EXOC8: variants seen among roughly 807,000 people sequenced by gnomAD.
EXOC8 encodes the protein exocyst complex component 8.
EXOC8 carries 19 observed loss-of-function variants against 50.8 expected under a neutral mutation model. The ratio of observed to expected loss-of-function variants is 0.37; its 90% CI spans 0.26 to 0.55. EXOC8 has a LOEUF of 0.55. Ranked by LOEUF, EXOC8 falls within the 20% of genes least tolerant of loss-of-function variation. The pLI is 0.80. For missense variants in EXOC8, 781 were observed against 915.8 expected (o/e 0.85, Z 1.90); for synonymous variants, 384 against 367.9 (o/e 1.04, Z -0.50).
rs373050702 is a variant in EXOC8, at chr1:231,336,525, A to G, written c.1221T>C (p.Gly407=). The change falls in exon 1 of 1, where the codon GGT becomes GGC. Residue 407 remains glycine (G), a synonymous_variant. Transcript: ENST00000366645. The surrounding 1 kb of genome is among the most constrained non-coding windows in gnomAD (Gnocchi z 5.4). ...ELSPDRSLRG[G]PKATRRAVSQ... ...AAACTGCTCTGCGAGTAGCCTTCGG[A>G]CCACCTCTCAGGGAACGATCTGGGG... 9.5e-5 allele frequency: 154 copies of G among 1,613,890 alleles called. No homozygotes were observed. The highest frequency in any genetic ancestry group is 1.2e-4 in the Non-Finnish European group (147 of 1,180,002).
rs1385222625 is a variant in EXOC8, at chr1:231,333,623, C to T, written c.*1945G>A. 1 of 152,468 alleles carries T rather than the reference C, an allele frequency of 6.6e-6. No homozygotes were observed. 9.4% of individuals were successfully genotyped at this position (152,468 alleles called of 1,614,324 possible). On this transcript the variant is annotated 3_prime_UTR_variant, in exon 1 of 1. Coordinates refer to ENST00000366645, the MANE Select transcript of EXOC8 (RefSeq NM_175876.5). ...ATTATCACAAAATTTTATCAATTTCCAGTGATCTTAAAAAGACAAATTATA... is the reference window on the plus strand; with the variant it reads ...ATTATCACAAAATTTTATCAATTTCTAGTGATCTTAAAAAGACAAATTATA...
chr1:231,336,499 G>T lies in EXOC8; in HGVS notation c.1247C>A (p.Ser416Ter). 3 of 1,613,780 alleles carry T rather than the reference G, an allele frequency of 1.9e-6. No individual in the cohort carries two copies. Among genetic ancestry groups the T allele is most frequent in the Non-Finnish European group, 1.7e-6 (2 of 1,179,838 alleles). ...GCACTGGCCCAGCCGGATCAGTTGC[G>T]AAACTGCTCTGCGAGTAGCCTTCGG... is the stretch of plus-strand genomic sequence containing the variant. Reference protein sequence around the residue: ...GGPKATRRAVSQLIRLGQCTK... With the variant: ...GGPKATRRAV Residue 416 changes from serine (S) to a stop codon, truncating the protein, a stop_gained, in exon 1 of 1, where the codon TCG becomes TAG. Transcript: ENST00000366645. LOFTEE classifies it high-confidence loss of function. The surrounding 1 kb of genome is among the most constrained non-coding windows in gnomAD (Gnocchi z 5.4).
At position 231,336,801 on chromosome 1, in the gene EXOC8, G is replaced by C. The variant is rs778402584; in HGVS notation, c.945C>G (p.Asp315Glu). 1 of 1,614,092 alleles carries C rather than the reference G, an allele frequency of 6.2e-7. No individual in the cohort carries two copies. Among genetic ancestry groups the C allele is most frequent in the Non-Finnish European group, 8.5e-7 (1 of 1,180,030 alleles). The change falls in exon 1 of 1, where the codon GAC becomes GAG. Residue 315 changes from aspartate (D) to glutamate (E), a missense_variant. Asp to Glu is a conservative substitution (Grantham distance 45). Transcript: ENST00000366645. The surrounding 1 kb of genome is among the most constrained non-coding windows in gnomAD (Gnocchi z 5.4). ...TSKATNPFED[D>E]EEEEPAVPEV... ...CAGGAACAGCTGGTTCTTCTTCTTC[G>C]TCATCCTCAAATGGGTTAGTGGCCT...
rs1686644004 is a variant in EXOC8 at position 231,335,411 on chromosome 1, T to A, written c.*157A>T. The A allele has an allele frequency of 1.6e-6, 1 of 644,262 alleles. No homozygotes were observed. Among genetic ancestry groups the A allele is most frequent in the Non-Finnish European group, 2.2e-6 (1 of 444,836 alleles). 39.9% of individuals were successfully genotyped at this position (644,262 alleles called of 1,614,324 possible). ...TTTTGTTACTTGGGCTTAATTTAAC[T>A]TATTTTCCTCTTTTTGATTTTTGTA... On this transcript the variant is annotated 3_prime_UTR_variant, in exon 1 of 1. Transcript: ENST00000366645.
rs1238424175 is a variant in EXOC8 at position 231,333,714 on chromosome 1, A to T, written c.*1854T>A. ...CTTTCGAAAATCCTAAAGTTATGTG[A>T]AAAAAATTAGTCAAAGAAAATCTGT... On this transcript the variant is annotated 3_prime_UTR_variant, in exon 1 of 1. Transcript: ENST00000366645. The T allele has an allele frequency of 6.6e-6, 1 of 152,662 alleles. No individual in the cohort carries two copies. The highest frequency in any genetic ancestry group is 1.9e-4 in the East Asian group (1 of 5,206). The allele number at this position is 152,662 out of a possible 1,614,324, so 9.5% of individuals were successfully genotyped here. A position where few individuals can be genotyped will look rare whatever the true frequency, so the allele number is the denominator to read the frequency against.
Position 231,333,033 on chromosome 1 carries a change from GTAAT to G in EXOC8, c.*2531_*2534del, listed in dbSNP as rs1168587381. ...CACAAGGTGTCTTTTTTCCCCAAGA[GTAAT>G]TAATTCAATCAAGCCCATGATTCCA... On this transcript the variant is annotated 3_prime_UTR_variant, in exon 1 of 1. Coordinates refer to ENST00000366645, the MANE Select transcript of EXOC8 (RefSeq NM_175876.5). 6.6e-6 allele frequency: 1 copy of G among 152,120 alleles called. No homozygotes were observed. Among genetic ancestry groups the G allele is most frequent in the African/African-American group, 2.4e-5 (1 of 41,420 alleles). 9.4% of individuals were successfully genotyped at this position (152,120 alleles called of 1,614,324 possible).
chr1:231,336,898 G>A lies in EXOC8; in HGVS notation c.848C>T (p.Ala283Val). 6.2e-7 allele frequency: 1 copy of A among 1,614,058 alleles called. No individual in the cohort carries two copies. The highest frequency in any genetic ancestry group is 8.5e-7 in the Non-Finnish European group (1 of 1,180,022). ...WLEVLEDTKR[A>V]LSEKRRREQE... ...CTCCCTTCGCCTTTTCTCACTGAGG[G>A]CCCTCTTGGTGTCCTCCAGCACTTC... is the stretch of plus-strand genomic sequence containing the variant. Residue 283 changes from alanine to valine, a missense_variant, in exon 1 of 1, where the codon GCC (alanine) becomes GTC (valine). By Grantham distance (64) the Ala-to-Val change is moderately conservative. This residue lies in a region of EXOC8 where 700 missense variants were observed against 804.1 expected (regional missense o/e 0.87). Coordinates refer to ENST00000366645, the MANE Select transcript of EXOC8 (RefSeq NM_175876.5). The surrounding 1 kb of genome is among the most constrained non-coding windows in gnomAD (Gnocchi z 5.4).
rs1214917211 is a variant in EXOC8, at chr1:231,336,349, C to A, written c.1397G>T (p.Ser466Ile). The A allele has an allele frequency of 6.2e-7, 1 of 1,614,064 alleles. No homozygotes were observed. The highest frequency in any genetic ancestry group is 8.5e-7 in the Non-Finnish European group (1 of 1,180,016). Residue 466 changes from serine to isoleucine, a missense_variant, in exon 1 of 1, where the codon AGC becomes ATC. Ser to Ile is a moderately radical substitution (Grantham distance 142). Transcript: ENST00000366645. This position sits in a 1 kb window ranked among gnomAD's most constrained non-coding sequence, Gnocchi z 5.4. ...AAATTCTCTTGCAGTCTCGAGAAGG[C>A]TGGTAAAGAAGACATGGCACAGCTT... ...IHKLCHVFFT[S>I]LLETAREFEI...
Position 231,335,653 on chromosome 1 carries a change from C to T in EXOC8, c.2093G>A (p.Gly698Glu). The T allele has an allele frequency of 6.2e-7, 1 of 1,614,168 alleles. No individual in the cohort carries two copies. The highest frequency in any genetic ancestry group is 2.2e-5 in the East Asian group (1 of 44,890). The change falls in exon 1 of 1, where the codon GGG becomes GAG. Residue 698 changes from glycine (G) to glutamate (E), a missense_variant. By Grantham distance (98) the Gly-to-Glu change is moderately conservative. Transcript: ENST00000366645. ...VVEKRFEEGV[G>E]KPAKQLQDLR... The stretch of plus-strand genomic sequence containing the variant: ...ATCTTGGAGTTGCTTGGCAGGTTTC[C>T]CCACACCTTCTTCAAACCTTTTCTC...
chr1:231,335,485 G>A lies in EXOC8; in HGVS notation c.*83C>T. The stretch of plus-strand genomic sequence containing the variant: ...TTCAAGTTGTGTTTGAAACTATAGA[G>A]TATGCTAATACAACTTAATATAAAT... On this transcript the variant is annotated 3_prime_UTR_variant, in exon 1 of 1. Coordinates refer to ENST00000366645, the MANE Select transcript of EXOC8 (RefSeq NM_175876.5). 8.3e-7 allele frequency: 1 copy of A among 1,208,752 alleles called. No homozygotes were observed. Among genetic ancestry groups the A allele is most frequent in the Non-Finnish European group, 1.1e-6 (1 of 929,974 alleles). 74.9% of individuals were successfully genotyped at this position (1,208,752 alleles called of 1,614,324 possible).
chr1:231,335,946 G>A lies in EXOC8; in HGVS notation c.1800C>T (p.Asn600=), dbSNP rs1361722111. Residue 600 remains asparagine (N), a synonymous_variant, in exon 1 of 1, where the codon AAC becomes AAT. Transcript: ENST00000366645. ...AGTCATCCCCTGTGTACTGCTCAAAGTTACTTACCCCACAACTTTTCATCT... is the reference window on the plus strand; with the variant it reads ...AGTCATCCCCTGTGTACTGCTCAAAATTACTTACCCCACAACTTTTCATCT... The part of the protein sequence containing the change: ...KEEMKSCGVS[N]FEQYTGDDCW... The A allele has an allele frequency of 4.3e-6, 7 of 1,614,188 alleles. No individual in the cohort carries two copies. The highest frequency in any genetic ancestry group is 5.9e-6 in the Non-Finnish European group (7 of 1,180,046).
rs756175779 is a variant in EXOC8 at position 231,336,250 on chromosome 1, A to G, written c.1496T>C (p.Met499Thr). The G allele has an allele frequency of 1.9e-6, 3 of 1,613,974 alleles. No homozygotes were observed. The African/African-American group carries it at 4.0e-5, about 22-fold the overall frequency. The change falls in exon 1 of 1, where the codon ATG (methionine) becomes ACG (threonine). Residue 499 changes from methionine (M) to threonine (T), a missense_variant. Physicochemically the swap from Met to Thr is moderately conservative, Grantham distance 81 (BLOSUM62 -1). Around this residue, in one of 3 missense-constraint regions of EXOC8, gnomAD observed 700 missense variants for 804.1 expected, o/e 0.87. Transcript: ENST00000366645. This position sits in a 1 kb window ranked among gnomAD's most constrained non-coding sequence, Gnocchi z 5.4. ...CTGCTTGCTAAAAGCATCCACGAAC[A>G]TGCCCATGGCTGATCTTGCCCAGAC... ...FVVWARSAMG[M>T]FVDAFSKQVF...
chr1:231,337,817 A>C lies in EXOC8; in HGVS notation c.-72T>G. On this transcript the variant is annotated 5_prime_UTR_variant, in exon 1 of 1. Coordinates refer to ENST00000366645, the MANE Select transcript of EXOC8 (RefSeq NM_175876.5). The surrounding 1 kb of genome is among the most constrained non-coding windows in gnomAD (Gnocchi z 5.9). Reference sequence around the variant, plus strand: ...CGCCGCGGCTGTCTAGACCCACCCAAGGCCAACCGAGCTCCTGGGCTGAGG... The same window carrying C: ...CGCCGCGGCTGTCTAGACCCACCCACGGCCAACCGAGCTCCTGGGCTGAGG... The C allele has an allele frequency of 7.3e-6, 11 of 1,508,068 alleles. No homozygotes were observed. In the South Asian group the frequency reaches 1.5e-4, roughly 20 times the overall value. The allele number at this position is 1,508,068 out of a possible 1,614,324, so 93.4% of individuals were successfully genotyped here. A position where few individuals can be genotyped will look rare whatever the true frequency, so the allele number is the denominator to read the frequency against.
In EXOC8 at chr1:231,337,125, G is replaced by T. The variant is rs1276203331; in HGVS notation, c.621C>A (p.Leu207=). 1 of 1,614,004 alleles carries T rather than the reference G, an allele frequency of 6.2e-7. No homozygotes were observed. The highest frequency in any genetic ancestry group is 1.3e-5 in the African/African-American group (1 of 74,926). The change falls in exon 1 of 1, where the codon CTC becomes CTA. Residue 207 remains leucine, a synonymous_variant. Coordinates refer to ENST00000366645, the MANE Select transcript of EXOC8 (RefSeq NM_175876.5). The surrounding 1 kb of genome is among the most constrained non-coding windows in gnomAD (Gnocchi z 5.9). The part of the protein sequence containing the change: ...MAQLQRVHGF[L]MNDCLLVATW... ...TAGCCACCAACAAGCAATCGTTCAT[G>T]AGAAAGCCGTGCACCCGCTGCAGTT...
Position 231,337,828 on chromosome 1 carries a change from G to C in EXOC8, c.-83C>G, listed in dbSNP as rs1415683904. The C allele has an allele frequency of 2.3e-5, 34 of 1,493,078 alleles. No homozygotes were observed. Among genetic ancestry groups the C allele is most frequent in the Non-Finnish European group, 3.0e-5 (33 of 1,116,278 alleles). The allele number at this position is 1,493,078 out of a possible 1,614,324, so 92.5% of individuals were successfully genotyped here. On this transcript the variant is annotated 5_prime_UTR_variant, in exon 1 of 1. Transcript: ENST00000366645. The surrounding 1 kb of genome is among the most constrained non-coding windows in gnomAD (Gnocchi z 5.9). Reference sequence around the variant, plus strand: ...TCTAGACCCACCCAAGGCCAACCGAGCTCCTGGGCTGAGGAAGCAGGAATG... The same window carrying C: ...TCTAGACCCACCCAAGGCCAACCGACCTCCTGGGCTGAGGAAGCAGGAATG...
chr1:231,336,719 C>T lies in EXOC8; in HGVS notation c.1027G>A (p.Asp343Asn), dbSNP rs1686684251. ...SMEWIQELPE[D>N]LDVCIAQRDF... is the part of the protein sequence containing the mutation. ...CTCTGCGCAATGCAGACATCCAGGT[C>T]TTCAGGTAACTCCTGGATCCATTCC... The change falls in exon 1 of 1, where the codon GAC (aspartate) becomes AAC (asparagine). Residue 343 changes from aspartate (D) to asparagine (N), a missense_variant. This residue lies in a region of EXOC8 where 700 missense variants were observed against 804.1 expected (regional missense o/e 0.87). Coordinates refer to ENST00000366645, the MANE Select transcript of EXOC8 (RefSeq NM_175876.5). The surrounding 1 kb of genome is among the most constrained non-coding windows in gnomAD (Gnocchi z 5.4). 1.2e-6 allele frequency: 2 copies of T among 1,614,108 alleles called. No homozygotes were observed. The highest frequency in any genetic ancestry group is 2.7e-5 in the African/African-American group (2 of 74,930).
Position 231,335,516 on chromosome 1 carries a change from T to C in EXOC8, c.*52A>G, listed in dbSNP as rs1686646103. ...TAATACAACTTAATATAAATATAAA[T>C]AATATATAAGCTCTCTCTCTGCATA... On this transcript the variant is annotated 3_prime_UTR_variant, in exon 1 of 1. Coordinates refer to ENST00000366645, the MANE Select transcript of EXOC8 (RefSeq NM_175876.5). The C allele has an allele frequency of 1.5e-6, 2 of 1,362,472 alleles. No homozygotes were observed. Among genetic ancestry groups the C allele is most frequent in the Middle Eastern group, 2.8e-4 (1 of 3,600 alleles). 84.4% of individuals were successfully genotyped at this position (1,362,472 alleles called of 1,614,324 possible).
chr1:231,336,477 C>G lies in EXOC8; in HGVS notation c.1269G>C (p.Gln423His). 6.2e-7 allele frequency: 1 copy of G among 1,613,660 alleles called. No individual in the cohort carries two copies. The highest frequency in any genetic ancestry group is 8.5e-7 in the Non-Finnish European group (1 of 1,179,786). The change falls in exon 1 of 1, where the codon CAG becomes CAC. Residue 423 changes from glutamine (Q) to histidine (H), a missense_variant. Transcript: ENST00000366645. The surrounding 1 kb of genome is among the most constrained non-coding windows in gnomAD (Gnocchi z 5.4). Reference protein sequence around the residue: ...RAVSQLIRLGQCTKACELFLR... With the variant: ...RAVSQLIRLGHCTKACELFLR... ...AAAATAGCTCACAGGCCTTCGTGCA[C>G]TGGCCCAGCCGGATCAGTTGCGAAA...
chr1:231,337,792 C>G lies in EXOC8; in HGVS notation c.-47G>C. On this transcript the variant is annotated 5_prime_UTR_variant, in exon 1 of 1. Transcript: ENST00000366645. The surrounding 1 kb of genome is among the most constrained non-coding windows in gnomAD (Gnocchi z 5.9). The stretch of plus-strand genomic sequence containing the variant: ...TCACTGTCACTATCGGCGCCGCAGC[C>G]GCCGCGGCTGTCTAGACCCACCCAA... The G allele has an allele frequency of 6.5e-7, 1 of 1,539,766 alleles. No homozygotes were observed. Among genetic ancestry groups the G allele is most frequent in the South Asian group, 1.3e-5 (1 of 79,266 alleles).
Sources: gnomAD v4.1 joint callset for allele counts on GRCh38, gnomAD v4.1.1 for gene constraint, gnomAD v4.1.1 regional missense constraint, Gnocchi (gnomAD v3.1) non-coding constraint, MANE v1.5 for transcripts, NCBI Gene and HGNC (gene_info 2026-07-23, HGNC 2026-07-21) for gene names.